POLD1: variants seen among roughly 807,000 people sequenced by gnomAD.
The protein encoded by POLD1 is DNA polymerase delta 1, catalytic subunit.
POLD1 carries 79 observed loss-of-function variants against 129.7 expected under a neutral mutation model. The observed-to-expected ratio is 0.61, with a 90% CI of 0.51 to 0.73. The LOEUF (loss-of-function observed/expected upper bound fraction) is 0.73. Among genes scored for constraint, POLD1 ranks in the 30% least tolerant of loss-of-function variants. The pLI, the probability that POLD1 is intolerant of heterozygous loss-of-function variation, is 0.00. For missense variants in POLD1, 1,338 were observed against 1,595.8 expected, an observed-to-expected ratio of 0.84 and a Z score of 2.75; for synonymous variants, 714 against 683.3, an observed-to-expected ratio of 1.04 and a Z score of -0.70.
chr19:50,415,417 G>C (rs758257025), intron 20 of POLD1, 21 bp from the exon 21 acceptor site: 3 of 1,603,268 alleles, frequency 1.9e-6, no homozygotes, highest in East Asian at 4.5e-5. Flanking sequence ...TGGTGACGCT[G>C]TGCGGCCCGC....
chr19:50,390,441 G>A (rs1247273010), intron 1 of POLD1, among the ~76,000 whole-genome samples: 2 of 152,118 alleles, frequency 1.3e-5, no homozygotes, highest in South Asian at 2.1e-4. Flanking sequence ...AACATGACAT[G>A]TTGGGCTAAA....
rs1601247278 is a variant in POLD1, at chr19:50,416,612, G to A, written c.2956G>A (p.Gly986Arg). 6.4e-7 allele frequency: 1 copy of A among 1,560,996 alleles called. No homozygotes were observed. Among genetic ancestry groups the A allele is most frequent in the Non-Finnish European group, 8.6e-7 (1 of 1,156,842 alleles). ...ACCACCTGCCTCCTCTCCTGCAGGG[G>A]GGGACCACACGCGCTGCAAGACGGT... is the stretch of plus-strand genomic sequence containing the variant. The part of the protein sequence containing the change: ...EGRAEAVLLR[G>R]DHTRCKTVLT... The change falls in exon 24 of 27, where the codon GGG (glycine) becomes AGG (arginine). Residue 986 changes from glycine to arginine, a missense_variant and splice_region_variant. By Grantham distance (125) the Gly-to-Arg change is moderately radical (BLOSUM62 -2). Coordinates refer to ENST00000440232, the MANE Select transcript of POLD1 (RefSeq NM_002691.4).
intron 1 of POLD1, among the ~76,000 whole-genome samples, chr19:50,393,710 C>T (rs955568907): frequency 1.3e-5 from 2 of 152,078 alleles, no homozygotes; most frequent in African/African-American, 4.8e-5. Flanking sequence ...TCAGTTGGTA[C>T]GTTCACAGTG....
At chr19:50,390,728 C>G (rs1440657518) in intron 1 of POLD1, among the ~76,000 whole-genome samples, 2 of 152,122 alleles carry the variant, frequency 1.3e-5, no homozygotes, top group Non-Finnish European at 2.9e-5. Context: ...CTGCGGCCTT[C>G]CGCAGTGTTT....
At chr19:50,410,363 C>T (rs184539771) in intron 17 of POLD1, among the ~76,000 whole-genome samples, 263 of 152,210 alleles carry the variant, frequency 1.7e-3, no homozygotes, top group Admixed American at 3.8e-3. Context: ...TTGGTTACCT[C>T]TAGCCACGGG....
intron 1 of POLD1, among the ~76,000 whole-genome samples, chr19:50,385,784 C>T (rs1007314184): frequency 3.3e-5 from 5 of 152,150 alleles, no homozygotes; most frequent in African/African-American, 9.7e-5. Context: ...TTGCCTCGGC[C>T]TCCCAAAGTG....
At chr19:50,410,414 G>C (rs1454681425) in intron 17 of POLD1, among the ~76,000 whole-genome samples, 1 of 152,046 alleles carries the variant, frequency 6.6e-6, no homozygotes. Flanking sequence ...CTTTTCACAG[G>C]GCTCTGGGTG....
intron 1 of POLD1, among the ~76,000 whole-genome samples, chr19:50,395,464 G>C (rs1219283573): frequency 6.6e-6 from 1 of 152,044 alleles, no homozygotes. Flanking sequence ...GACGCCTGTA[G>C]TCCCAGCTAC....
At position 50,399,043 on chromosome 19, in the gene POLD1, G is replaced by C. The variant is rs1219747232; in HGVS notation, c.192G>C (p.Gly64=). The change falls in exon 2 of 27, where the codon GGG becomes GGC. Residue 64 remains glycine (G), a synonymous_variant. Coordinates refer to ENST00000440232, the MANE Select transcript of POLD1 (RefSeq NM_002691.4). ...AGGAGCTGCAGTCAGTCCTGGAGGG[G>C]GTTGCAGACGGTAAGGCTTGGAGTT... is the stretch of plus-strand genomic sequence containing the variant. The part of the protein sequence containing the change: ...EEEELQSVLE[G]VADGQVPPSA... The C allele has an allele frequency of 6.4e-7, 1 of 1,553,158 alleles. No individual in the cohort carries two copies. Among genetic ancestry groups the C allele is most frequent in the Non-Finnish European group, 8.7e-7 (1 of 1,148,190 alleles).
intron 10 of POLD1, 40 bp downstream of exon 10, chr19:50,403,637 C>T: frequency 7.6e-7 from 1 of 1,308,902 alleles, no homozygotes; most frequent in Non-Finnish European, 1.1e-6. Context: ...TCAGATGCCC[C>T]AGGTGTGGCC....
intron 14 of POLD1, among the ~76,000 whole-genome samples, 181 bp downstream of exon 14, chr19:50,407,596 T>C: frequency 6.6e-6 from 1 of 151,646 alleles, no homozygotes. Context: ...TCTCGCTCTG[T>C]CACCCAGGCT....
Position 50,402,013 on chromosome 19 carries a change from C to T in POLD1, c.478C>T (p.His160Tyr), listed in dbSNP as rs144770820. Residue 160 changes from histidine (H) to tyrosine (Y), a missense_variant, in exon 5 of 27, where the codon CAC (histidine) becomes TAC (tyrosine). His to Tyr is a moderately conservative substitution (Grantham distance 83). Around this residue, in one of 3 missense-constraint regions of POLD1, gnomAD observed 332 missense variants for 315.7 expected, o/e 1.05. Coordinates refer to ENST00000440232, the MANE Select transcript of POLD1 (RefSeq NM_002691.4). ...TCCCACACCAGGTTTCGGGCCCGAG[C>T]ACATGGGTGACCTGCAACGGGAGCT... is the stretch of plus-strand genomic sequence containing the variant. ...TPAPPGFGPE[H>Y]MGDLQRELNL... 10 of 1,614,008 alleles carry T rather than the reference C, an allele frequency of 6.2e-6. No individual in the cohort carries two copies. The African/African-American group carries it at 1.2e-4, about 19-fold the overall frequency.
chr19:50,417,572 C>T (rs1325044877), intron 26 of POLD1, among the ~76,000 whole-genome samples: 1 of 152,098 alleles, frequency 6.6e-6, no homozygotes, highest in Admixed American at 6.5e-5. Context: ...CGGGCTTTCC[C>T]CAGGGAACGG....
In POLD1 at chr19:50,402,097, C is replaced by G. The variant is rs1601199826; in HGVS notation, c.562C>G (p.Leu188Val). ...GGRELTGPAV[L>V]AVELCSRESM... is the part of the protein sequence containing the mutation. Reference sequence around the variant, plus strand: ...GAGGGAGCTGACTGGGCCGGCCGTGCTGGCTGTGGAACTGTGCTCCCGAGA... The same window carrying G: ...GAGGGAGCTGACTGGGCCGGCCGTGGTGGCTGTGGAACTGTGCTCCCGAGA... Residue 188 changes from leucine to valine, a missense_variant, in exon 5 of 27, where the codon CTG becomes GTG. Leu to Val is a conservative substitution (Grantham distance 32). This residue lies in a region of POLD1 where 332 missense variants were observed against 315.7 expected (regional missense o/e 1.05). Transcript: ENST00000440232. 1 of 1,613,522 alleles carries G rather than the reference C, an allele frequency of 6.2e-7. No individual in the cohort carries two copies. Among genetic ancestry groups the G allele is most frequent in the Non-Finnish European group, 8.5e-7 (1 of 1,179,674 alleles).
At chr19:50,387,056 G>A (rs1417035072) in intron 1 of POLD1, among the ~76,000 whole-genome samples, 1 of 152,158 alleles carries the variant, frequency 6.6e-6, no homozygotes, top group South Asian at 2.1e-4. Context: ...GCCGGGCGTG[G>A]TGGTGGGCGC....
chr19:50,403,250 C>A, intron 9 of POLD1, 31 bp downstream of exon 9: 1 of 1,513,424 alleles, frequency 6.6e-7, no homozygotes, highest in Non-Finnish European at 8.9e-7. Flanking sequence ...CACACCATTT[C>A]CCGGGGTCCC....
At position 50,407,006 on chromosome 19, in the gene POLD1, C is replaced by T; in HGVS notation, c.1518C>T (p.Arg506=). 1 of 1,608,828 alleles carries T rather than the reference C, an allele frequency of 6.2e-7. No individual in the cohort carries two copies. The highest frequency in any genetic ancestry group is 1.1e-5 in the South Asian group (1 of 90,668). The change falls in exon 13 of 27, where the codon CGC becomes CGT. Residue 506 remains arginine, a synonymous_variant. Coordinates refer to ENST00000440232, the MANE Select transcript of POLD1 (RefSeq NM_002691.4). The part of the protein sequence containing the change: ...DLQNGNDQTR[R]RLAVYCLKDA... ...AGAATGGGAACGACCAGACCCGCCG[C>T]CGCCTGGCTGTGTACTGCCTGAAGG...
At chr19:50,414,766 G>T in intron 19 of POLD1, 49 bp from the exon 20 acceptor site, 2 of 1,408,966 alleles carry the variant, frequency 1.4e-6, no homozygotes, top group Non-Finnish European at 9.4e-7. Flanking sequence ...TCTCCAGATT[G>T]GGGCTTGGCC....
rs1601215588 is a variant in POLD1, at chr19:50,406,260, A to G, written c.1321A>G (p.Thr441Ala). ...GGACTCTTCATTCCAGTCCAAGCAG[A>G]CGGGCCGGCGGGACACCAAGGTTGT... Reference protein sequence around the residue: ...IRDSSFQSKQTGRRDTKVVSM... With the variant: ...IRDSSFQSKQAGRRDTKVVSM... Residue 441 changes from threonine (T) to alanine (A), a missense_variant, in exon 11 of 27, where the codon ACG (threonine) becomes GCG (alanine). By Grantham distance (58) the Thr-to-Ala change is moderately conservative. Around this residue, in one of 3 missense-constraint regions of POLD1, gnomAD observed 720 missense variants for 1,002.6 expected, o/e 0.72. Coordinates refer to ENST00000440232, the MANE Select transcript of POLD1 (RefSeq NM_002691.4). The surrounding 1 kb of genome is among the most constrained non-coding windows in gnomAD (Gnocchi z 5.5). 6.2e-7 allele frequency: 1 copy of G among 1,613,916 alleles called. No individual in the cohort carries two copies. Among genetic ancestry groups the G allele is most frequent in the South Asian group, 1.1e-5 (1 of 91,076 alleles).
Sources: allele counts gnomAD v4.1 joint callset (sites outside exome capture counted in the v4.1 genomes callset), GRCh38; gene constraint gnomAD v4.1.1; regional missense constraint gnomAD v4.1.1; non-coding constraint Gnocchi (gnomAD v3.1); transcripts MANE v1.5; gene names NCBI Gene and HGNC (gene_info 2026-07-23, HGNC 2026-07-21).